CCDC85C: variants seen among roughly 807,000 people sequenced by gnomAD.
The protein encoded by CCDC85C is coiled-coil domain containing 85C.
Under a neutral mutation model 38.3 loss-of-function variants are expected in CCDC85C, and 18 were observed. The observed-to-expected ratio is 0.47, with a 90% CI of 0.33 to 0.70. CCDC85C has a LOEUF of 0.70. Ranked by LOEUF, CCDC85C falls within the 30% of genes least tolerant of loss-of-function variation. CCDC85C has a pLI of 0.03. For missense variants in CCDC85C, 566 were observed against 621.2 expected (o/e 0.91, Z 0.94); for synonymous variants, 264 against 293.8 (o/e 0.90, Z 1.04).
At chr14:99,573,813 TGCCCCTGCCCTG>T (rs1210774815) in intron 1 of CCDC85C, among the ~76,000 whole-genome samples, 7 of 152,164 alleles carry the variant, frequency 4.6e-5, no homozygotes, top group African/African-American at 1.4e-4. Context: ...CCAATCCCTC[TGCCCCTGCCCTG>T]CAGAAGCCTG....
chr14:99,541,525 G>T (rs2400684), intron 1 of CCDC85C, among the ~76,000 whole-genome samples: 85,115 of 151,994 alleles, frequency 0.56, 24,303 homozygotes, highest in African/African-American at 0.67. Flanking sequence ...GAAACCCAGG[G>T]AGAGGGGTAG....
At chr14:99,523,106 G>A (rs771092849) in intron 2 of CCDC85C, among the ~76,000 whole-genome samples, 3 of 152,168 alleles carry the variant, frequency 2.0e-5, no homozygotes, top group Non-Finnish European at 2.9e-5. Flanking sequence ...GAGAGAAAGT[G>A]GCTGGGCAGA....
intron 1 of CCDC85C, among the ~76,000 whole-genome samples, chr14:99,563,334 G>A (rs1417944700): frequency 1.3e-5 from 2 of 152,252 alleles, no homozygotes; most frequent in Non-Finnish European, 2.9e-5. Flanking sequence ...CAGATGGCGC[G>A]GTGCAGGGAG....
At position 99,502,290 on chromosome 14, in the gene CCDC85C, T is replaced by C. The variant is rs1251614558; in HGVS notation, c.*12956A>G. ...TATCTCGCAGGACGTTTGTGCAAAT[T>C]TGAAATACAAGAATGGACCTCCAAA... is the stretch of plus-strand genomic sequence containing the variant. On this transcript the variant is annotated 3_prime_UTR_variant, in exon 6 of 6. Coordinates refer to ENST00000380243, the MANE Select transcript of CCDC85C (RefSeq NM_001144995.2). The C allele has an allele frequency of 1.9e-6, 3 of 1,612,442 alleles. No homozygotes were observed. The Admixed American group carries it at 5.0e-5, about 27-fold the overall frequency.
chr14:99,586,854 C>T (rs990192176), intron 1 of CCDC85C, among the ~76,000 whole-genome samples: 1 of 152,164 alleles, frequency 6.6e-6, no homozygotes, highest in Non-Finnish European at 1.5e-5. Flanking sequence ...GAGGAAAGCC[C>T]TACCTATAGC....
rs573245778 is a variant in CCDC85C at position 99,588,871 on chromosome 14, T to C, written c.793+14296A>G. Reference sequence around the variant, plus strand: ...AAAGGATGGCCTGAGCTCCTACAGCTTCCCCAAGTTCCTCCGGGGTCTCCG... The same window carrying C: ...AAAGGATGGCCTGAGCTCCTACAGCCTCCCCAAGTTCCTCCGGGGTCTCCG... On this transcript the variant is annotated intron_variant, in intron 1 of 5. Transcript: ENST00000380243. The surrounding 1 kb of genome is among the most constrained non-coding windows in gnomAD (Gnocchi z 5.0). Among the ~76,000 whole-genome samples, 1 of 152,108 alleles carries C rather than the reference T, an allele frequency of 6.6e-6. No individual in the cohort carries two copies. The highest frequency in any genetic ancestry group is 2.4e-5 in the African/African-American group (1 of 41,508).
chr14:99,549,845 G>A (rs543863512), intron 1 of CCDC85C, among the ~76,000 whole-genome samples: 2 of 152,378 alleles, frequency 1.3e-5, no homozygotes, highest in East Asian at 1.9e-4. Flanking sequence ...CAGCCGTGGA[G>A]AAGGACCAGC....
intron 1 of CCDC85C, among the ~76,000 whole-genome samples, chr14:99,547,023 T>C (rs1254967951): frequency 6.6e-6 from 1 of 152,050 alleles, no homozygotes; most frequent in East Asian, 1.9e-4. Context: ...TTTTTAATTT[T>C]ACACTTTTTT....
chr14:99,515,390 C>G lies in CCDC85C; in HGVS notation c.1171-55G>C, dbSNP rs1313333614. On this transcript the variant is annotated intron_variant, in intron 5 of 5. Transcript: ENST00000380243. ...GGACTCACCCGCGTCCACCTGCCGC[C>G]TATGCACATCCGCCGCCTCATCACG... is the stretch of plus-strand genomic sequence containing the variant. 6 of 1,314,730 alleles carry G rather than the reference C, an allele frequency of 4.6e-6. No homozygotes were observed. In the African/African-American group the frequency reaches 7.3e-5, roughly 16 times the overall value. 81.4% of individuals were successfully genotyped at this position (1,314,730 alleles called of 1,614,324 possible). A position where few individuals can be genotyped will look rare whatever the true frequency, so the allele number is the denominator to read the frequency against.
chr14:99,580,367 G>A (rs2054953469), intron 1 of CCDC85C, among the ~76,000 whole-genome samples: 1 of 150,862 alleles, frequency 6.6e-6, no homozygotes, highest in South Asian at 2.1e-4. Context: ...TGAGTGCAGT[G>A]GGGGAGGCAG....
chr14:99,573,503 C>T (rs185659031), intron 1 of CCDC85C, among the ~76,000 whole-genome samples: 1 of 152,242 alleles, frequency 6.6e-6, no homozygotes, highest in Admixed American at 6.5e-5. Context: ...GCTCCTCCCC[C>T]ACCCTGGGCC....
chr14:99,571,099 G>A (rs1373923443), intron 1 of CCDC85C, among the ~76,000 whole-genome samples: 1 of 152,142 alleles, frequency 6.6e-6, no homozygotes, highest in Non-Finnish European at 1.5e-5. Context: ...CTCTTCAGCA[G>A]ACCACCCCAC....
In CCDC85C at chr14:99,509,932, G is replaced by A; in HGVS notation, c.*5314C>T. On this transcript the variant is annotated 3_prime_UTR_variant, in exon 6 of 6. Coordinates refer to ENST00000380243, the MANE Select transcript of CCDC85C (RefSeq NM_001144995.2). ...GTGGTGTGGTCAGGGCTGAGGGAGG[G>A]AAAACCCCAGGTCGTCGCAGACAGG... 1 of 594,038 alleles carries A rather than the reference G, an allele frequency of 1.7e-6. No individual in the cohort carries two copies. The highest frequency in any genetic ancestry group is 3.0e-6 in the Non-Finnish European group (1 of 335,160). The allele number at this position is 594,038 out of a possible 1,614,324, so 36.8% of individuals were successfully genotyped here.
intron 1 of CCDC85C, among the ~76,000 whole-genome samples, chr14:99,557,426 T>C (rs1044625871): frequency 6.6e-6 from 1 of 152,228 alleles, no homozygotes; most frequent in African/African-American, 2.4e-5. Flanking sequence ...CACTCTGTGA[T>C]CCTGGACAGG....
intron 1 of CCDC85C, among the ~76,000 whole-genome samples, chr14:99,602,117 G>A (rs2055205113): frequency 6.6e-6 from 1 of 152,244 alleles, no homozygotes; most frequent in Non-Finnish European, 1.5e-5. Context: ...AGTTCAGGCA[G>A]TTGCAACTAC....
chr14:99,522,274 G>A, intron 2 of CCDC85C, 34 bp from the exon 3 acceptor site: 1 of 1,487,614 alleles, frequency 6.7e-7, no homozygotes, highest in Middle Eastern at 1.8e-4. Flanking sequence ...GTTAGACGGA[G>A]GGCCAGGCTG....
In CCDC85C at chr14:99,501,464, A is replaced by G; in HGVS notation, c.*13782T>C. On this transcript the variant is annotated 3_prime_UTR_variant, in exon 6 of 6. Transcript: ENST00000380243. ...TTACAGTATTTTAAAATAGGCAGAG[A>G]CTTTATGGACCATTTCATCTAAACC... The G allele has an allele frequency of 8.5e-7, 1 of 1,179,142 alleles. No individual in the cohort carries two copies. Among genetic ancestry groups the G allele is most frequent in the Non-Finnish European group, 1.3e-6 (1 of 790,474 alleles). The allele number at this position is 1,179,142 out of a possible 1,614,324, so 73.0% of individuals were successfully genotyped here.
intron 1 of CCDC85C, among the ~76,000 whole-genome samples, chr14:99,554,588 G>A (rs1473274859): frequency 1.3e-5 from 2 of 152,312 alleles, no homozygotes; most frequent in South Asian, 2.1e-4. Flanking sequence ...GCTGTCAAAT[G>A]AGGACCCCGG....
chr14:99,531,880 T>G lies in CCDC85C; in HGVS notation c.867+4135A>C, dbSNP rs375681198. ...CTTTCTTCAAGATTCCCAAACATAG[T>G]CACCCAGCCATCTCTTGATTATCTC... On this transcript the variant is annotated intron_variant, in intron 2 of 5. Transcript: ENST00000380243. 3.7e-4 allele frequency among the ~76,000 whole-genome samples: 56 copies of G among 152,330 alleles called. No individual in the cohort carries two copies. In the South Asian group the frequency reaches 0.011, roughly 31 times the overall value.
Sources: allele counts gnomAD v4.1 joint callset (sites outside exome capture counted in the v4.1 genomes callset), GRCh38; gene constraint gnomAD v4.1.1; non-coding constraint Gnocchi (gnomAD v3.1); transcripts MANE v1.5; gene names NCBI Gene and HGNC (gene_info 2026-07-23, HGNC 2026-07-21).